Variants in DPP6 observed in about 807,000 individuals in gnomAD.
The protein encoded by DPP6 is dipeptidyl peptidase like 6, also known as A-type potassium channel modulatory protein DPP6.
Under a neutral mutation model 122.6 loss-of-function variants are expected in DPP6, and 69 were observed. The ratio of observed to expected loss-of-function variants is 0.56; its 90% confidence interval spans 0.46 to 0.69. The LOEUF is 0.69. Among genes scored for constraint, DPP6 ranks in the 30% least tolerant of loss-of-function variants. The pLI is 0.00. For missense variants in DPP6, 928 were observed against 1,116.9 expected (o/e 0.83, Z 2.41); for synonymous variants, 418 against 433.1 (o/e 0.97, Z 0.43).
At chr7:154,881,699 A>G (rs945072024) in intron 21 of DPP6, among the ~76,000 whole-genome samples, 2 of 152,152 alleles carry the variant, frequency 1.3e-5, no homozygotes, top group African/African-American at 4.8e-5. Context: ...ATCGCCTCCA[A>G]AACCTCAGAG....
intron 1 of DPP6, among the ~76,000 whole-genome samples, chr7:154,351,608 C>T (rs1324889744): frequency 1.3e-5 from 2 of 152,166 alleles, no homozygotes; most frequent in Admixed American, 1.3e-4. Flanking sequence ...CAGGGTGTAC[C>T]CTGTGCCAGG....
intron 16 of DPP6, among the ~76,000 whole-genome samples, chr7:154,848,371 G>A (rs1418425659): frequency 3.3e-5 from 5 of 152,060 alleles, no homozygotes; most frequent in African/African-American, 4.8e-5. Flanking sequence ...ATTCTCACAG[G>A]TGTGAGATGA....
At chr7:153,915,700 C>T (rs1442177364) in intron 1 of DPP6, among the ~76,000 whole-genome samples, 1 of 152,170 alleles carries the variant, frequency 6.6e-6, no homozygotes, top group Non-Finnish European at 1.5e-5. Flanking sequence ...ACCAGGGGTA[C>T]AGAAAGTCAC....
At chr7:153,771,980 A>G in the DPP6 span, among the ~76,000 whole-genome samples, 2 of 152,336 alleles carry the variant, frequency 1.3e-5, no homozygotes, top group South Asian at 4.1e-4. Flanking sequence ...TTTTAGCTCT[A>G]TAGTGTATTT....
chr7:154,023,738 T>A (rs1271972759), intron 1 of DPP6, among the ~76,000 whole-genome samples: 1 of 152,198 alleles, frequency 6.6e-6, no homozygotes, highest in Admixed American at 6.5e-5. Context: ...CGCCTTGGCC[T>A]CCCAAAGTGC....
At chr7:154,529,932 C>T (rs946077312) in intron 3 of DPP6, among the ~76,000 whole-genome samples, 1 of 152,062 alleles carries the variant, frequency 6.6e-6, no homozygotes, top group Non-Finnish European at 1.5e-5. Flanking sequence ...TTGAGACCAG[C>T]CTGGCCAACA....
intron 1 of DPP6, among the ~76,000 whole-genome samples, chr7:154,212,406 C>T (rs996417344): frequency 1.1e-4 from 17 of 152,212 alleles, no homozygotes; most frequent in Non-Finnish European, 2.4e-4. Context: ...TCAGAATGCT[C>T]ACAAAACAAG....
intron 13 of DPP6, among the ~76,000 whole-genome samples, chr7:154,803,333 A>G (rs1798493395): frequency 1.3e-5 from 2 of 152,188 alleles, no homozygotes; most frequent in South Asian, 4.1e-4. Flanking sequence ...CTCAAGGGGA[A>G]CATAGGGAAA....
chr7:154,134,923 C>G (rs1205933942), intron 1 of DPP6, among the ~76,000 whole-genome samples: 1 of 151,920 alleles, frequency 6.6e-6, no homozygotes, highest in Non-Finnish European at 1.5e-5. Flanking sequence ...CCTGTGAGCT[C>G]TCACTTCCTG....
At chr7:154,358,402 T>G (rs1424427665) in intron 1 of DPP6, among the ~76,000 whole-genome samples, 2 of 152,202 alleles carry the variant, frequency 1.3e-5, no homozygotes, top group Non-Finnish European at 2.9e-5. Context: ...ATTTGTAAAC[T>G]GTGAACACTC....
intron 8 of DPP6, among the ~76,000 whole-genome samples, chr7:154,741,812 C>T (rs1423615052): frequency 2.0e-5 from 3 of 152,228 alleles, no homozygotes; most frequent in East Asian, 1.9e-4. Context: ...TGCTCACAGT[C>T]TTACCTCCCT....
chr7:154,499,288 C>T (rs1003576809), intron 3 of DPP6, among the ~76,000 whole-genome samples: 3 of 152,228 alleles, frequency 2.0e-5, no homozygotes, highest in East Asian at 1.9e-4. Flanking sequence ...GGAGGGCCCC[C>T]CTGCGGTACA....
chr7:153,862,755 TAAA>T, the DPP6 span, among the ~76,000 whole-genome samples: 3 of 152,262 alleles, frequency 2.0e-5, no homozygotes, highest in African/African-American at 7.2e-5. Flanking sequence ...ATTATCTCAA[TAAA>T]AGTCCATTTT....
intron 1 of DPP6, among the ~76,000 whole-genome samples, chr7:154,246,040 A>G (rs1456348100): frequency 6.6e-6 from 1 of 152,232 alleles, no homozygotes; most frequent in Admixed American, 6.5e-5. Context: ...ATTAAATCTT[A>G]AAGATTATGT....
chr7:153,824,453 G>A, the DPP6 span, among the ~76,000 whole-genome samples: 6 of 150,132 alleles, frequency 4.0e-5, no homozygotes, highest in African/African-American at 1.5e-4. Flanking sequence ...TTGGGAGGCC[G>A]AGGTGGGTGG....
chr7:153,883,692 C>G (rs1253281365), upstream of DPP6, among the ~76,000 whole-genome samples: 1 of 152,188 alleles, frequency 6.6e-6, no homozygotes, highest in Non-Finnish European at 1.5e-5. Context: ...GTCTTTCTTA[C>G]AGAGACCTCT....
chr7:154,147,519 G>A (rs1219821898), intron 1 of DPP6, among the ~76,000 whole-genome samples: 1 of 147,368 alleles, frequency 6.8e-6, no homozygotes, highest in South Asian at 2.1e-4. Context: ...TCTTACTCTC[G>A]CTCAGACTGG....
At chr7:154,532,893 T>C (rs1179116487) in intron 3 of DPP6, among the ~76,000 whole-genome samples, 1 of 152,160 alleles carries the variant, frequency 6.6e-6, no homozygotes, top group Non-Finnish European at 1.5e-5. Context: ...ACTTCTCCCC[T>C]AAAGCAGGTC....
chr7:154,443,676 G>T (rs530199168), intron 1 of DPP6, among the ~76,000 whole-genome samples: 39 of 149,954 alleles, frequency 2.6e-4, no homozygotes, highest in South Asian at 6.3e-4. Context: ...ATGGATGGAT[G>T]AGTGGATGGA....
Sources: gnomAD v4.1 joint callset for allele counts (sites outside exome capture counted in the v4.1 genomes callset) on GRCh38, gnomAD v4.1.1 for gene constraint, MANE v1.5 for transcripts, NCBI Gene and HGNC (gene_info 2026-07-23, HGNC 2026-07-21) for gene names.